Variants in TLN2 observed in about 807,000 individuals in gnomAD.
The protein encoded by TLN2 is talin 2, also known as talin-2.
Under a neutral mutation model 294.7 loss-of-function variants are expected in TLN2, and 118 were observed. The observed-to-expected ratio is 0.40, with a 90% CI of 0.34 to 0.47. TLN2 has a LOEUF of 0.47. Ranked by LOEUF, TLN2 falls within the 20% of genes least tolerant of loss-of-function variation. TLN2 has a pLI of 0.84. For missense variants in TLN2, 3,083 were observed against 3,282.2 expected (o/e 0.94, Z 1.48); for synonymous variants, 1,431 against 1,304.5 (o/e 1.10, Z -2.09).
intron 46 of TLN2, among the ~76,000 whole-genome samples, chr15:62,793,856 G>T (rs1247029341): frequency 8.8e-6 from 1 of 114,242 alleles, no homozygotes; most frequent in East Asian, 3.9e-4. Flanking sequence ...TGAGGGGCGG[G>T]CAGGGGGGAC....
chr15:62,689,846 C>CTTTTTTTTTTTTTTTTTTTTTTTTTT lies in TLN2; in HGVS notation c.1114-2988_1114-2963dup, dbSNP rs1158144919. 7.8e-4 allele frequency among the ~76,000 whole-genome samples: 12 copies of CTTTTTTTTTTTTTTTTTTTTTTTTTT among 15,414 alleles called. 5 individuals are homozygous for CTTTTTTTTTTTTTTTTTTTTTTTTTT. The highest frequency in any genetic ancestry group is 1.1e-3 in the Non-Finnish European group (7 of 6,514). The allele number at this position is 15,414 out of a possible 152,430, so 10.1% of individuals were successfully genotyped here. On this transcript the variant is annotated intron_variant, in intron 12 of 58. Transcript: ENST00000636159. Reference sequence around the variant, plus strand: ...TTTTCAAAATTCTTGGTATGGGCTTCTTTTTTTTTTTTTTTTTTTTTTTTT... The same window carrying CTTTTTTTTTTTTTTTTTTTTTTTTTT: ...TTTTCAAAATTCTTGGTATGGGCTTCTTTTTTTTTTTTTTTTTTTTTTTTTTTTTTTTTTTTTTTTTTTTTTTTTTT...
At chr15:62,774,102 C>T (rs746236291) in intron 42 of TLN2, among the ~76,000 whole-genome samples, 4 of 152,150 alleles carry the variant, frequency 2.6e-5, no homozygotes, top group Admixed American at 6.5e-5. Context: ...GCAGCCCTCT[C>T]CACTGTTGGA....
At chr15:62,655,370 C>T (rs962854538) in intron 7 of TLN2, among the ~76,000 whole-genome samples, 2 of 152,168 alleles carry the variant, frequency 1.3e-5, no homozygotes, top group Non-Finnish European at 2.9e-5. Flanking sequence ...CTCAGAATGG[C>T]TGAGATTTAA....
chr15:62,547,468 G>A (rs2042057735), intron 1 of TLN2, among the ~76,000 whole-genome samples: 1 of 152,204 alleles, frequency 6.6e-6, no homozygotes, highest in Admixed American at 6.5e-5. Flanking sequence ...TCATCTCTGT[G>A]ATGGGGGTAA....
Position 62,776,892 on chromosome 15 carries a change from T to C in TLN2, c.5496T>C (p.Ile1832=), listed in dbSNP as rs752176823. 2 of 1,581,488 alleles carry C rather than the reference T, an allele frequency of 1.3e-6. No individual in the cohort carries two copies. The highest frequency in any genetic ancestry group is 1.1e-5 in the South Asian group (1 of 87,080). Residue 1832 remains isoleucine, a synonymous_variant, in exon 43 of 59, where the codon ATT becomes ATC. Coordinates refer to ENST00000636159, the MANE Select transcript of TLN2 (RefSeq NM_015059.3). ...TGGTTGGGGGCATGGTGGACGCCAT[T>C]GCAGAAGCCATGAGCAAGGTGGGCA... ...VGLVGGMVDA[I]AEAMSKLDEG... is the part of the protein sequence containing the mutation.
intron 2 of TLN2, among the ~76,000 whole-genome samples, chr15:62,612,649 T>C (rs1486834292): frequency 6.6e-6 from 1 of 152,162 alleles, no homozygotes; most frequent in Admixed American, 6.5e-5. Context: ...ATTTTTTTTC[T>C]TGTTGTCACC....
In TLN2 at chr15:62,792,816, C is replaced by G. The variant is rs373928728; in HGVS notation, c.5883+29C>G. ...AGGAGCAGCCCTCAGTTTAGAGTCA[C>G]AAGAACCTGCGCTGGCTCTCAGTGA... On this transcript the variant is annotated intron_variant, in intron 46 of 58. Coordinates refer to ENST00000636159, the MANE Select transcript of TLN2 (RefSeq NM_015059.3). 1.6e-5 allele frequency: 25 copies of G among 1,612,040 alleles called. No individual in the cohort carries two copies. In the Middle Eastern group the frequency reaches 9.9e-4, roughly 64 times the overall value.
At chr15:62,688,581 CAG>C in intron 12 of TLN2, among the ~76,000 whole-genome samples, 1 of 152,198 alleles carries the variant, frequency 6.6e-6, no homozygotes, top group East Asian at 1.9e-4. Context: ...TTCTGCCTGG[CAG>C]TTTTCTCAGT....
intron 51 of TLN2, among the ~76,000 whole-genome samples, chr15:62,806,337 G>C (rs1163537556): frequency 6.6e-6 from 1 of 152,170 alleles, no homozygotes; most frequent in Admixed American, 6.5e-5. Context: ...TTCCTAAATA[G>C]GCAGGAAGCC....
chr15:62,809,647 T>C (rs933462536), intron 51 of TLN2, among the ~76,000 whole-genome samples: 1 of 152,162 alleles, frequency 6.6e-6, no homozygotes, highest in Non-Finnish European at 1.5e-5. Flanking sequence ...TTCAAAAAAA[T>C]GTGGGGTGGG....
In TLN2 at chr15:62,840,709, C is replaced by A; in HGVS notation, c.*99C>A. 5 of 1,493,882 alleles carry A rather than the reference C, an allele frequency of 3.3e-6. No homozygotes were observed. The highest frequency in any genetic ancestry group is 4.5e-6 in the Non-Finnish European group (5 of 1,118,532). 92.5% of individuals were successfully genotyped at this position (1,493,882 alleles called of 1,614,324 possible). A position where few individuals can be genotyped will look rare whatever the true frequency, so the allele number is the denominator to read the frequency against. The stretch of plus-strand genomic sequence containing the variant: ...GGGCACTTAGCTGGAAACCGCCCAC[C>A]TCCCTCCCGGGTGAGCCTGGAGCCC... On this transcript the variant is annotated 3_prime_UTR_variant, in exon 59 of 59. Coordinates refer to ENST00000636159, the MANE Select transcript of TLN2 (RefSeq NM_015059.3).
At chr15:62,774,205 C>T (rs982734142) in intron 42 of TLN2, among the ~76,000 whole-genome samples, 5 of 152,186 alleles carry the variant, frequency 3.3e-5, no homozygotes, top group African/African-American at 4.8e-5. Context: ...CCTGTGATGT[C>T]TGTGCCTGCT....
intron 1 of TLN2, among the ~76,000 whole-genome samples, chr15:62,443,490 A>G (rs570191133): frequency 2.0e-5 from 3 of 152,326 alleles, no homozygotes; most frequent in Admixed American, 6.5e-5. Flanking sequence ...TTAAAGCTGT[A>G]AAGGAAGATT....
chr15:62,755,473 G>T (rs1284280792), intron 36 of TLN2, 59 bp from the exon 37 acceptor site: 6 of 1,572,834 alleles, frequency 3.8e-6, no homozygotes, highest in Non-Finnish European at 5.2e-6. Flanking sequence ...CTGAGGACCG[G>T]GGTGGACCCC....
intron 1 of TLN2, among the ~76,000 whole-genome samples, chr15:62,525,656 T>A (rs2040694871): frequency 6.6e-6 from 1 of 152,244 alleles, no homozygotes; most frequent in Non-Finnish European, 1.5e-5. Flanking sequence ...CTTTGTTCCC[T>A]TTTATTACTC....
At chr15:62,725,978 T>C (rs1403545956) in intron 27 of TLN2, among the ~76,000 whole-genome samples, 2 of 152,200 alleles carry the variant, frequency 1.3e-5, no homozygotes, top group African/African-American at 2.4e-5. Context: ...GTTCCCCTAA[T>C]AGTAAAAAAG....
chr15:62,747,416 CCAGT>C (rs1294148552), intron 32 of TLN2, among the ~76,000 whole-genome samples: 3 of 152,002 alleles, frequency 2.0e-5, no homozygotes, highest in Non-Finnish European at 4.4e-5. Context: ...CTTTTGGGAA[CCAGT>C]CAATCATATA....
At chr15:62,678,080 C>T (rs1480532704) in intron 11 of TLN2, among the ~76,000 whole-genome samples, 2 of 152,000 alleles carry the variant, frequency 1.3e-5, no homozygotes, top group Non-Finnish European at 2.9e-5. Context: ...CAGGCGTGAG[C>T]CACCACCCCT....
intron 1 of TLN2, among the ~76,000 whole-genome samples, chr15:62,552,321 C>T (rs1041591151): frequency 7.2e-5 from 11 of 152,136 alleles, no homozygotes; most frequent in African/African-American, 2.7e-4. Context: ...CCATTATTCA[C>T]GGATTCCATA....
Sources: gnomAD v4.1 joint callset for allele counts (sites outside exome capture counted in the v4.1 genomes callset) on GRCh38, gnomAD v4.1.1 for gene constraint, MANE v1.5 for transcripts, NCBI Gene and HGNC (gene_info 2026-07-23, HGNC 2026-07-21) for gene names.